Variants in MTMR8 observed in about 807,000 individuals in gnomAD.
The protein encoded by MTMR8 is myotubularin related protein 8, also known as phosphatidylinositol-3,5-bisphosphate 3-phosphatase MTMR8.
A neutral mutation model predicts 39.3 loss-of-function variants in MTMR8; 65 were observed. The observed-to-expected ratio is 1.65, with a 90% confidence interval of 1.35 to 2.03. MTMR8 has a LOEUF of 2.03. Ranked by LOEUF, MTMR8 falls within the 30% of genes most tolerant of loss-of-function variation. The probability of loss-of-function intolerance (pLI) is 0.00; values close to 1 mark genes in which losing one functional copy is unlikely to be tolerated. For synonymous variants in MTMR8, 245 were observed against 185.2 expected, an observed-to-expected ratio of 1.32 and a Z score of -2.62; for missense variants, 777 against 538.9, an observed-to-expected ratio of 1.44 and a Z score of -4.37.
chrX:64,302,465 T>C (rs1921927457), intron 12 of MTMR8, among the ~76,000 whole-genome samples: 1 of 112,011 alleles, frequency 8.9e-6, no homozygotes, highest in Non-Finnish European at 1.9e-5. Flanking sequence ...GCCCACTGTC[T>C]GGCACTCCCT....
At chrX:64,291,470 G>A (rs921607013) in intron 12 of MTMR8, among the ~76,000 whole-genome samples, 6 of 110,420 alleles carry the variant, frequency 5.4e-5, no homozygotes, top group Non-Finnish European at 9.5e-5. Flanking sequence ...CCCCTTCTGC[G>A]TGCTGGCCTC....
intron 6 of MTMR8, among the ~76,000 whole-genome samples, chrX:64,348,108 T>G (rs996572721): frequency 9.0e-6 from 1 of 111,594 alleles, no homozygotes; most frequent in Non-Finnish European, 1.9e-5. Flanking sequence ...CGGCAAAAAT[T>G]TAATCAGCTA....
At chrX:64,387,846 GAGA>G (rs1924602420) in intron 1 of MTMR8, among the ~76,000 whole-genome samples, 1 of 109,679 alleles carries the variant, frequency 9.1e-6, no homozygotes, top group African/African-American at 3.3e-5. Flanking sequence ...GCAGAGTAAA[GAGA>G]AGGAGACAGA....
chrX:64,365,024 C>G (rs1247863862), intron 1 of MTMR8, among the ~76,000 whole-genome samples: 1 of 110,643 alleles, frequency 9.0e-6, no homozygotes, highest in Admixed American at 9.7e-5. Context: ...GACTGAAAAC[C>G]AAATTGATGA....
intron 12 of MTMR8, among the ~76,000 whole-genome samples, chrX:64,315,932 T>A (rs1470552937): frequency 9.0e-6 from 1 of 111,454 alleles, no homozygotes; most frequent in African/African-American, 3.3e-5. Context: ...TGTGTGCCTA[T>A]ACATACTCTC....
At chrX:64,346,225 A>C (rs1340719018) in intron 6 of MTMR8, among the ~76,000 whole-genome samples, 2 of 111,361 alleles carry the variant, frequency 1.8e-5, no homozygotes, top group Non-Finnish European at 3.8e-5. Flanking sequence ...AATATTGTGC[A>C]TTTCAGAAGG....
intron 10 of MTMR8, among the ~76,000 whole-genome samples, chrX:64,334,658 C>T (rs1159690896): frequency 9.2e-6 from 1 of 108,639 alleles, no homozygotes; most frequent in African/African-American, 3.3e-5. Context: ...CCTCTATTCT[C>T]CCTACACACC....
chrX:64,319,353 T>A (rs1003110076), intron 12 of MTMR8, among the ~76,000 whole-genome samples: 1 of 112,663 alleles, frequency 8.9e-6, no homozygotes, highest in Non-Finnish European at 1.9e-5. Flanking sequence ...TTCTGTATGT[T>A]GCCTGTTCAC....
intron 11 of MTMR8, among the ~76,000 whole-genome samples, chrX:64,329,698 A>G (rs368411686): frequency 4.0e-4 from 45 of 111,356 alleles, no homozygotes; most frequent in East Asian, 2.8e-3. Flanking sequence ...GAAGAGTGAT[A>G]TAAGTGGTAA....
intron 12 of MTMR8, among the ~76,000 whole-genome samples, chrX:64,282,174 G>A (rs935714355): frequency 7.2e-5 from 8 of 111,755 alleles, no homozygotes; most frequent in African/African-American, 2.6e-4. Context: ...ATTCCTCAAT[G>A]ATCTAGAGCC....
At position 64,384,577 on chromosome X, in the gene MTMR8, G is replaced by A. The variant is rs769049802; in HGVS notation, c.24+10763C>T. On this transcript the variant is annotated intron_variant, in intron 1 of 13. Transcript: ENST00000374852. Reference sequence around the variant, plus strand: ...CCAAGCTTCCTCTTTTGCAATCTGTGCCCCTGCAAGCTTAACACCATGTGG... The same window carrying A: ...CCAAGCTTCCTCTTTTGCAATCTGTACCCCTGCAAGCTTAACACCATGTGG... 4.5e-4 allele frequency among the ~76,000 whole-genome samples: 50 copies of A among 112,223 alleles called. No individual in the cohort carries two copies. The South Asian group carries it at 0.011, about 25-fold the overall frequency.
intron 1 of MTMR8, among the ~76,000 whole-genome samples, chrX:64,371,860 G>A (rs1924138474): frequency 9.1e-6 from 1 of 110,110 alleles, no homozygotes; most frequent in South Asian, 3.8e-4. Flanking sequence ...ATGGTTCCTA[G>A]GTAGGTGCCT....
chrX:64,271,433 C>T (rs977849781), intron 12 of MTMR8, among the ~76,000 whole-genome samples: 7 of 112,077 alleles, frequency 6.2e-5, no homozygotes, highest in Admixed American at 1.9e-4. Context: ...ACTGTCCTTC[C>T]CCCAATGGAT....
intron 12 of MTMR8, among the ~76,000 whole-genome samples, chrX:64,321,349 C>T (rs1028742530): frequency 6.3e-5 from 7 of 111,809 alleles, no homozygotes; most frequent in African/African-American, 2.3e-4. Flanking sequence ...AGAATAGTAT[C>T]TCACCAAATA....
At chrX:64,385,002 T>C (rs1569233871) in intron 1 of MTMR8, among the ~76,000 whole-genome samples, 2 of 112,596 alleles carry the variant, frequency 1.8e-5, no homozygotes, top group Admixed American at 1.9e-4. Flanking sequence ...CCCTGAAATA[T>C]AAGTTCCAAC....
At chrX:64,286,048 GA>G (rs1921159845) in intron 12 of MTMR8, among the ~76,000 whole-genome samples, 3 of 111,305 alleles carry the variant, frequency 2.7e-5, no homozygotes, top group African/African-American at 9.8e-5. Flanking sequence ...CTGAGTTTTT[GA>G]AAAGATCAAC....
intron 1 of MTMR8, among the ~76,000 whole-genome samples, chrX:64,361,779 G>C (rs1440432497): frequency 1.8e-5 from 2 of 111,078 alleles, no homozygotes; most frequent in East Asian, 5.6e-4. Flanking sequence ...CGACAAACTT[G>C]ACTCTAACTA....
At chrX:64,387,183 T>C (rs1356691722) in intron 1 of MTMR8, among the ~76,000 whole-genome samples, 1 of 111,567 alleles carries the variant, frequency 9.0e-6, no homozygotes, top group Non-Finnish European at 1.9e-5. Context: ...AAGTCACACT[T>C]CAGGGGAAAG....
intron 1 of MTMR8, among the ~76,000 whole-genome samples, chrX:64,377,791 C>A (rs1602155981): frequency 9.0e-6 from 1 of 111,639 alleles, no homozygotes; most frequent in East Asian, 2.8e-4. Flanking sequence ...TGGGACGGGC[C>A]AGGGTGGAAT....
Sources: allele counts gnomAD v4.1 joint callset (sites outside exome capture counted in the v4.1 genomes callset), GRCh38; gene constraint gnomAD v4.1.1; transcripts MANE v1.5; gene names NCBI Gene and HGNC (gene_info 2026-07-23, HGNC 2026-07-21).